MRE11: variants seen among roughly 807,000 people sequenced by gnomAD.
MRE11 encodes the protein MRE11 double strand break repair nuclease.
Under a neutral mutation model 91.7 loss-of-function variants are expected in MRE11, and 62 were observed. That is an observed-to-expected ratio of 0.68 (90% CI 0.55 to 0.84). The LOEUF is 0.84. MRE11 is among the 40% of genes least tolerant of loss of function. MRE11 has a pLI of 0.00. For synonymous variants in MRE11, 273 were observed against 271.4 expected (o/e 1.01, Z -0.06); for missense variants, 796 against 852.9 (o/e 0.93, Z 0.83).
intron 10 of MRE11, chr11:94,466,387 T>C (rs961011740): frequency 4.4e-6 from 2 of 453,418 alleles, no homozygotes; most frequent in Non-Finnish European, 9.3e-6. Context: ...CCAGGAAGTA[T>C]TAATAAGGGC....
In MRE11 at chr11:94,437,157, C is replaced by T; in HGVS notation, c.1926+20G>A. ...AAAACATAAATTATTAATACACAAC[C>T]ATAAAACTTTTTTTCTTACCTCTGA... On this transcript the variant is annotated intron_variant, in intron 17 of 19. Coordinates refer to ENST00000323929, the MANE Select transcript of MRE11 (RefSeq NM_005591.4). 1 of 1,599,868 alleles carries T rather than the reference C, an allele frequency of 6.3e-7. No homozygotes were observed. The highest frequency in any genetic ancestry group is 8.6e-7 in the Non-Finnish European group (1 of 1,168,672).
chr11:94,459,872 C>T (rs1021244724), intron 12 of MRE11, among the ~76,000 whole-genome samples: 2 of 152,084 alleles, frequency 1.3e-5, no homozygotes, highest in African/African-American at 4.8e-5. Context: ...AATAAGAGCC[C>T]CCTAAAGATG....
chr11:94,503,688 T>C, the MRE11 span, among the ~76,000 whole-genome samples: 1 of 146,262 alleles, frequency 6.8e-6, no homozygotes. Context: ...AGAGTGAGAC[T>C]CCGTGTCAAA....
chr11:94,491,026 A>T (rs1042242582), intron 2 of MRE11, 61 bp from the exon 3 acceptor site: 13 of 994,496 alleles, frequency 1.3e-5, no homozygotes, highest in African/African-American at 3.3e-5. Context: ...ATATTCAAAC[A>T]AATTGAGACA....
chr11:94,465,674 G>A (rs1946543527), intron 10 of MRE11, among the ~76,000 whole-genome samples: 1 of 152,116 alleles, frequency 6.6e-6, no homozygotes, highest in South Asian at 2.1e-4. Flanking sequence ...GGGATTACAG[G>A]CGTGAGCCAC....
chr11:94,446,528 C>T (rs1401091462), intron 15 of MRE11, among the ~76,000 whole-genome samples: 1 of 151,844 alleles, frequency 6.6e-6, no homozygotes, highest in Non-Finnish European at 1.5e-5. Context: ...GATTTTAAAC[C>T]AAATTAATAT....
intron 16 of MRE11, among the ~76,000 whole-genome samples, chr11:94,441,204 TA>T (rs1945770923): frequency 2.0e-5 from 3 of 152,210 alleles, no homozygotes; most frequent in Admixed American, 2.0e-4. Context: ...TTTCTTCCCC[TA>T]AGTTCGCTTT....
intron 14 of MRE11, among the ~76,000 whole-genome samples, chr11:94,449,179 G>A (rs1478350818): frequency 1.3e-5 from 2 of 152,150 alleles, no homozygotes; most frequent in African/African-American, 2.4e-5. Context: ...AACAAGGCAG[G>A]CAGCATAAAG....
intron 18 of MRE11, among the ~76,000 whole-genome samples, chr11:94,432,967 C>T (rs905527112): frequency 3.9e-5 from 6 of 152,208 alleles, no homozygotes; most frequent in Non-Finnish European, 8.8e-5. Flanking sequence ...GCCTATCATT[C>T]CCTACAACAC....
At position 94,489,588 on chromosome 11, in the gene MRE11, G is replaced by A. The variant is rs565406302; in HGVS notation, c.153+1245C>T. Among the ~76,000 whole-genome samples, 728 of 152,012 alleles carry A rather than the reference G, an allele frequency of 4.8e-3. 1 individual carries two copies. Among genetic ancestry groups the A allele is most frequent in the Non-Finnish European group, 7.3e-3 (493 of 67,972 alleles). On this transcript the variant is annotated intron_variant, in intron 3 of 19. Transcript: ENST00000323929. ...AGGCCATGTGAAATGTGATCGTTTT[G>A]GACTAAGTTTATTAGTGTGAAAAGA...
At chr11:94,498,488 T>G, upstream of MRE11, 1 of 1,613,776 alleles carries the variant, frequency 6.2e-7, no homozygotes, top group Non-Finnish European at 8.5e-7. Flanking sequence ...TCACTACCTC[T>G]TTGAAATTGT....
chr11:94,440,404 C>A (rs1335894402), intron 16 of MRE11, among the ~76,000 whole-genome samples: 1 of 148,374 alleles, frequency 6.7e-6, no homozygotes, highest in Non-Finnish European at 1.5e-5. Flanking sequence ...CTGCTGACAA[C>A]AATCCAAATT....
chr11:94,421,018 C>A (rs1476694960), intron 19 of MRE11, among the ~76,000 whole-genome samples: 1 of 147,178 alleles, frequency 6.8e-6, no homozygotes, highest in African/African-American at 2.5e-5. Flanking sequence ...GGCGACAGAG[C>A]GAGAGACTCC....
In MRE11 at chr11:94,486,160, A is replaced by T. The variant is rs973015966; in HGVS notation, c.154-76T>A. On this transcript the variant is annotated intron_variant, in intron 3 of 19. Coordinates refer to ENST00000323929, the MANE Select transcript of MRE11 (RefSeq NM_005591.4). ...TTTGTAAACTACAGATGAAAGAGAT[A>T]AAAAAAAACTCACAAAAGACACTAT... The T allele has an allele frequency of 6.6e-5, 90 of 1,373,324 alleles. 1 individual carries two copies. Among genetic ancestry groups the T allele is most frequent in the Admixed American group, 1.1e-4 (5 of 46,784 alleles). The allele number at this position is 1,373,324 out of a possible 1,614,324, so 85.1% of individuals were successfully genotyped here.
rs1234797789 is a variant in MRE11, at chr11:94,470,573, C to G, written c.915G>C (p.Arg305=). 2 of 1,613,210 alleles carry G rather than the reference C, an allele frequency of 1.2e-6. No individual in the cohort carries two copies. Among genetic ancestry groups the G allele is most frequent in the South Asian group, 2.2e-5 (2 of 91,040 alleles). The stretch of plus-strand genomic sequence containing the variant: ...GAACAATATCCTCCATGAAAAACTG[C>G]CGCACTGTGTGAAGAGGAATTTTAT... ...NMHKIPLHTV[R]QFFMEDIVLA... The change falls in exon 9 of 20, where the codon CGG becomes CGC. Residue 305 remains arginine, a synonymous_variant. Transcript: ENST00000323929.
At chr11:94,470,755 A>G in intron 8 of MRE11, 113 bp from the exon 9 acceptor site, 1 of 1,063,670 alleles carries the variant, frequency 9.4e-7, no homozygotes, top group Non-Finnish European at 1.4e-6. Flanking sequence ...ATAAAATCAT[A>G]CTCTTAAAAA....
At chr11:94,501,591 T>C in the MRE11 span, among the ~76,000 whole-genome samples, 1 of 151,934 alleles carries the variant, frequency 6.6e-6, no homozygotes, top group Non-Finnish European at 1.5e-5. Flanking sequence ...TTTAGTCACA[T>C]TTCAAGTTCT....
intron 2 of MRE11, among the ~76,000 whole-genome samples, chr11:94,491,987 T>A (rs1204611597): frequency 6.6e-6 from 1 of 152,190 alleles, no homozygotes; most frequent in Non-Finnish European, 1.5e-5. Flanking sequence ...AAAATTAATC[T>A]GAAAAAGGTA....
rs1554996391 is a variant in MRE11 at position 94,419,465 on chromosome 11, G to GGAGAGGGA, written c.*659_*660insTCCCTCTC. 4.7e-6 allele frequency: 1 copy of GGAGAGGGA among 214,890 alleles called. No individual in the cohort carries two copies. Among genetic ancestry groups the GGAGAGGGA allele is most frequent in the Non-Finnish European group, 8.9e-6 (1 of 112,432 alleles). 13.3% of individuals were successfully genotyped at this position (214,890 alleles called of 1,614,324 possible). A position where few individuals can be genotyped will look rare whatever the true frequency, so the allele number is the denominator to read the frequency against. On this transcript the variant is annotated 3_prime_UTR_variant, in exon 20 of 20. Coordinates refer to ENST00000323929, the MANE Select transcript of MRE11 (RefSeq NM_005591.4). The stretch of plus-strand genomic sequence containing the variant: ...GAAGAGTGGGGAACGGGGGGGAGAG[G>GGAGAGGGA]GAGAGAGAGAGAGAGAGAGAGAGAG...
Sources: gnomAD v4.1 joint callset for allele counts (sites outside exome capture counted in the v4.1 genomes callset) on GRCh38, gnomAD v4.1.1 for gene constraint, MANE v1.5 for transcripts, NCBI Gene and HGNC (gene_info 2026-07-23, HGNC 2026-07-21) for gene names.